KATNIP: variants seen among roughly 807,000 people sequenced by gnomAD.
KATNIP encodes the protein katanin interacting protein.
KATNIP carries 126 observed loss-of-function variants against 174.0 expected under a neutral mutation model. The observed-to-expected ratio is 0.72, with a 90% CI of 0.63 to 0.84. The LOEUF is 0.84. Among genes scored for constraint, KATNIP ranks in the 40% least tolerant of loss-of-function variants. The pLI, the probability that KATNIP is intolerant of heterozygous loss-of-function variation, is 0.00. For missense variants in KATNIP, 1,958 were observed against 2,109.7 expected, an observed-to-expected ratio of 0.93 and a Z score of 1.41; for synonymous variants, 810 against 835.7, an observed-to-expected ratio of 0.97 and a Z score of 0.53.
At chr16:27,557,045 A>C (rs2089656375) in intron 1 of KATNIP, among the ~76,000 whole-genome samples, 1 of 152,072 alleles carries the variant, frequency 6.6e-6, no homozygotes, top group African/African-American at 2.4e-5. Context: ...CCTTCCGTGC[A>C]TTGGAATTCA....
At chr16:27,555,570 C>T (rs551053848) in intron 1 of KATNIP, among the ~76,000 whole-genome samples, 1 of 152,334 alleles carries the variant, frequency 6.6e-6, no homozygotes, top group South Asian at 2.1e-4. Flanking sequence ...CGCGGTGGCT[C>T]ACGCCTGTAA....
chr16:27,730,688 C>T (rs985690386), intron 14 of KATNIP, among the ~76,000 whole-genome samples: 1 of 152,312 alleles, frequency 6.6e-6, no homozygotes, highest in African/African-American at 2.4e-5. Context: ...CCTCCCCATA[C>T]CCCTAGCCTG....
intron 3 of KATNIP, among the ~76,000 whole-genome samples, chr16:27,620,809 G>A (rs1326902874): frequency 6.6e-6 from 1 of 152,210 alleles, no homozygotes; most frequent in African/African-American, 2.4e-5. Flanking sequence ...ATAAGAAGCA[G>A]GGCAACATTT....
chr16:27,772,183 G>A (rs2144212464), intron 22 of KATNIP, among the ~76,000 whole-genome samples: 1 of 152,256 alleles, frequency 6.6e-6, no homozygotes, highest in Middle Eastern at 3.4e-3. Context: ...GAGGTGGGAG[G>A]ACCTTTTGAG....
rs1451228386 is a variant in KATNIP at position 27,637,379 on chromosome 16, T to C, written c.408+6217T>C. On this transcript the variant is annotated intron_variant, in intron 5 of 27. Transcript: ENST00000261588. The surrounding 1 kb of genome is among the most constrained non-coding windows in gnomAD (Gnocchi z 4.7). ...GCCAGCCCTGCTCTCCTGGAGCTCATGTTGATGGGGAGCGGGTGGGGAGGT... is the reference window on the plus strand; with the variant it reads ...GCCAGCCCTGCTCTCCTGGAGCTCACGTTGATGGGGAGCGGGTGGGGAGGT... Among the ~76,000 whole-genome samples the C allele has an allele frequency of 6.6e-6, 1 of 152,020 alleles. No individual in the cohort carries two copies. The highest frequency in any genetic ancestry group is 1.5e-5 in the Non-Finnish European group (1 of 67,996).
intron 6 of KATNIP, among the ~76,000 whole-genome samples, chr16:27,650,552 G>GTGAC (rs1209055097): frequency 1.3e-5 from 2 of 152,216 alleles, no homozygotes; most frequent in Admixed American, 6.5e-5. Flanking sequence ...TGCATATTCA[G>GTGAC]TGACGTCACC....
intron 6 of KATNIP, among the ~76,000 whole-genome samples, chr16:27,668,440 A>T (rs1023446948): frequency 2.0e-5 from 3 of 152,204 alleles, no homozygotes; most frequent in Non-Finnish European, 2.9e-5. Context: ...ACTGCCATCC[A>T]TGTAAGAGGT....
chr16:27,698,532 A>C, intron 9 of KATNIP, 32 bp downstream of exon 9: 3 of 1,580,272 alleles, frequency 1.9e-6, no homozygotes, highest in Non-Finnish European at 2.6e-6. Flanking sequence ...GAACCGGGGG[A>C]TGCTCCCTGG....
chr16:27,720,451 T>C (rs1230490938), intron 13 of KATNIP, among the ~76,000 whole-genome samples: 4 of 151,830 alleles, frequency 2.6e-5, no homozygotes, highest in Non-Finnish European at 5.9e-5. Flanking sequence ...ACTCCATGTG[T>C]GTGCATTCAT....
chr16:27,735,972 C>T (rs978492867), intron 14 of KATNIP, among the ~76,000 whole-genome samples: 2 of 152,108 alleles, frequency 1.3e-5, no homozygotes, highest in African/African-American at 2.4e-5. Flanking sequence ...GGAGAGAAAA[C>T]CCATGTTTAT....
intron 2 of KATNIP, among the ~76,000 whole-genome samples, chr16:27,613,076 C>T (rs1036226620): frequency 9.2e-5 from 14 of 151,582 alleles, no homozygotes; most frequent in Non-Finnish European, 1.6e-4. Context: ...CCGGGCAACA[C>T]GACAAAACCA....
chr16:27,691,310 A>G (rs1472372747), intron 8 of KATNIP, among the ~76,000 whole-genome samples: 2 of 152,222 alleles, frequency 1.3e-5, no homozygotes, highest in Non-Finnish European at 2.9e-5. Flanking sequence ...AAGAAAGCCA[A>G]ACACTGGTGA....
chr16:27,738,106 G>T (rs1001910853), intron 14 of KATNIP, among the ~76,000 whole-genome samples: 11 of 152,178 alleles, frequency 7.2e-5, no homozygotes, highest in African/African-American at 2.7e-4. Context: ...AGAAAGGAAA[G>T]GAACTATCAG....
chr16:27,634,030 C>T (rs1475293321), intron 5 of KATNIP, among the ~76,000 whole-genome samples: 7 of 152,220 alleles, frequency 4.6e-5, no homozygotes, highest in Non-Finnish European at 8.8e-5. Flanking sequence ...GGCCTTTCTT[C>T]ACTTCTCACT....
At chr16:27,628,176 G>T (rs1051739169) in intron 3 of KATNIP, among the ~76,000 whole-genome samples, 2 of 152,192 alleles carry the variant, frequency 1.3e-5, no homozygotes, top group East Asian at 3.8e-4. Flanking sequence ...CTGGTCTGAC[G>T]AAAGCTGTTT....
chr16:27,552,686 GTTTTTTT>G (rs768836183), intron 1 of KATNIP, among the ~76,000 whole-genome samples: 2 of 94,382 alleles, frequency 2.1e-5, no homozygotes, highest in African/African-American at 4.2e-5. Flanking sequence ...GCAAGTGGCA[GTTTTTTT>G]TTTTTTTTTT....
chr16:27,676,936 T>C (rs1315648277), intron 6 of KATNIP, among the ~76,000 whole-genome samples: 2 of 152,172 alleles, frequency 1.3e-5, no homozygotes, highest in African/African-American at 2.4e-5. Context: ...CCTCCCAAAG[T>C]GATGGGATTA....
intron 6 of KATNIP, among the ~76,000 whole-genome samples, chr16:27,664,124 G>A (rs1431459265): frequency 6.6e-6 from 1 of 152,112 alleles, no homozygotes; most frequent in East Asian, 1.9e-4. Context: ...TCTTCTTTAT[G>A]TAGGAGAGTT....
chr16:27,641,243 A>T (rs2142259909), intron 5 of KATNIP, among the ~76,000 whole-genome samples: 1 of 152,024 alleles, frequency 6.6e-6, no homozygotes, highest in South Asian at 2.1e-4. Context: ...GTTCATCCCG[A>T]TTCTTGGTTA....
Sources: allele counts gnomAD v4.1 joint callset (sites outside exome capture counted in the v4.1 genomes callset), GRCh38; gene constraint gnomAD v4.1.1; non-coding constraint Gnocchi (gnomAD v3.1); transcripts MANE v1.5; gene names NCBI Gene and HGNC (gene_info 2026-07-23, HGNC 2026-07-21).